PRKG1: variants seen among roughly 807,000 people sequenced by gnomAD.
PRKG1 encodes protein kinase cGMP-dependent 1.
In PRKG1, 35 loss-of-function variants were observed where a neutral mutation model predicts 88.1. The ratio of observed to expected loss-of-function variants is 0.40; its 90% CI spans 0.30 to 0.53. The LOEUF (loss-of-function observed/expected upper bound fraction) is 0.53, where lower values mean the gene tolerates loss of function less well. Among genes scored for constraint, PRKG1 ranks in the 20% least tolerant of loss-of-function variants. The pLI, the probability that PRKG1 is intolerant of heterozygous loss-of-function variation, is 0.59. For missense variants in PRKG1, 540 were observed against 839.8 expected (o/e 0.64, Z 4.41); for synonymous variants, 303 against 292.5 (o/e 1.04, Z -0.37).
intron 9 of PRKG1, among the ~76,000 whole-genome samples, chr10:52,227,869 G>T (rs16928095): frequency 3.3e-5 from 5 of 152,060 alleles, no homozygotes; most frequent in African/African-American, 1.2e-4. Flanking sequence ...TGGGTAATGC[G>T]TGAGAAATCA....
intron 7 of PRKG1, among the ~76,000 whole-genome samples, chr10:52,104,596 C>T (rs984287139): frequency 6.6e-6 from 1 of 152,024 alleles, no homozygotes; most frequent in Non-Finnish European, 1.5e-5. Flanking sequence ...CATAGGTTTA[C>T]CTCAAAAGAT....
chr10:51,228,979 G>A (rs74133543), intron 2 of PRKG1, among the ~76,000 whole-genome samples: 4,126 of 152,164 alleles, frequency 0.027, 192 homozygotes, highest in African/African-American at 0.093. Flanking sequence ...TTTACCTGGA[G>A]TGAAATGCAC....
At chr10:51,956,111 A>G (rs932499443) in intron 5 of PRKG1, among the ~76,000 whole-genome samples, 1 of 152,144 alleles carries the variant, frequency 6.6e-6, no homozygotes, top group Non-Finnish European at 1.5e-5. Flanking sequence ...GATTTCTGTG[A>G]TGTAGGATAT....
chr10:51,526,211 A>G (rs1484836931), intron 3 of PRKG1, among the ~76,000 whole-genome samples: 1 of 152,208 alleles, frequency 6.6e-6, no homozygotes, highest in African/African-American at 2.4e-5. Flanking sequence ...AAGATTCAGT[A>G]CCAAGAAAAG....
At chr10:51,086,862 T>C (rs568714323) in intron 1 of PRKG1, among the ~76,000 whole-genome samples, 99 of 152,332 alleles carry the variant, frequency 6.5e-4, no homozygotes, top group Non-Finnish European at 1.3e-3. Flanking sequence ...TCTATCGTAA[T>C]AGAGCAGTGC....
intron 3 of PRKG1, among the ~76,000 whole-genome samples, chr10:51,773,637 G>A (rs1838361994): frequency 6.6e-6 from 1 of 152,002 alleles, no homozygotes; most frequent in Non-Finnish European, 1.5e-5. Context: ...TCTTAAACTT[G>A]TTTCATGCTA....
intron 3 of PRKG1, among the ~76,000 whole-genome samples, chr10:51,564,398 T>A (rs1837549427): frequency 6.6e-6 from 1 of 152,018 alleles, no homozygotes; most frequent in African/African-American, 2.4e-5. Flanking sequence ...AGATTACAGC[T>A]TTTAAGGATG....
At chr10:51,344,301 AACTC>A (rs1347307541) in intron 2 of PRKG1, among the ~76,000 whole-genome samples, 3 of 152,122 alleles carry the variant, frequency 2.0e-5, no homozygotes, top group African/African-American at 7.2e-5. Flanking sequence ...ATCTTGTGAG[AACTC>A]ACTCACTATC....
In PRKG1 at chr10:51,467,331, C is replaced by A. The variant is rs72795107; in HGVS notation, c.479-392C>A. On this transcript the variant is annotated intron_variant, in intron 2 of 17. Coordinates refer to ENST00000373980, the MANE Select transcript of PRKG1 (RefSeq NM_006258.4). ...TCCCCTCTTCATAATAGCTGCCTTA[C>A]TAATGAGAATTTTCAAGTATGAAGT... Among the ~76,000 whole-genome samples, 561 of 152,112 alleles carry A rather than the reference C, an allele frequency of 3.7e-3. 1 individual carries two copies. Among genetic ancestry groups the A allele is most frequent in the Non-Finnish European group, 6.5e-3 (439 of 67,860 alleles).
At chr10:51,156,619 A>T (rs1269323163) in intron 2 of PRKG1, among the ~76,000 whole-genome samples, 1 of 152,040 alleles carries the variant, frequency 6.6e-6, no homozygotes, top group Non-Finnish European at 1.5e-5. Context: ...TAAAATGACT[A>T]CAATTTTATA....
At chr10:51,166,426 A>G (rs978484176) in intron 2 of PRKG1, among the ~76,000 whole-genome samples, 2 of 152,174 alleles carry the variant, frequency 1.3e-5, no homozygotes, top group African/African-American at 4.8e-5. Flanking sequence ...AATGTTATCA[A>G]TGATTAAATT....
intron 2 of PRKG1, among the ~76,000 whole-genome samples, chr10:51,239,511 C>A (rs959046598): frequency 6.6e-6 from 1 of 152,068 alleles, no homozygotes; most frequent in African/African-American, 2.4e-5. Context: ...GGTTTTTTTG[C>A]ACATTTAATA....
intron 2 of PRKG1, among the ~76,000 whole-genome samples, chr10:51,240,666 G>T (rs1035910653): frequency 2.0e-5 from 3 of 152,116 alleles, no homozygotes; most frequent in Non-Finnish European, 4.4e-5. Context: ...ACAAAATCCT[G>T]CAGGGACCTG....
At chr10:51,096,536 A>G (rs747605600) in intron 1 of PRKG1, among the ~76,000 whole-genome samples, 3 of 152,148 alleles carry the variant, frequency 2.0e-5, no homozygotes, top group Non-Finnish European at 2.9e-5. Context: ...TTTCTCATCT[A>G]TAAAATGGGA....
chr10:51,993,656 C>G (rs1196037224), intron 5 of PRKG1, among the ~76,000 whole-genome samples: 1 of 151,756 alleles, frequency 6.6e-6, no homozygotes, highest in Admixed American at 6.6e-5. Context: ...ACAGCAGTAG[C>G]AACAGCAGAG....
chr10:52,295,335 T>TA lies in PRKG1; in HGVS notation c.*1439dup, dbSNP rs56909757. On this transcript the variant is annotated 3_prime_UTR_variant, in exon 18 of 18. Transcript: ENST00000373980. The stretch of plus-strand genomic sequence containing the variant: ...GAGGAAAACAGGAACCTGATTTTTT[T>TA]AAAATAAATTTTAAATAAAATAGAA... The TA allele has an allele frequency of 6.6e-6, 1 of 152,038 alleles. No homozygotes were observed. The highest frequency in any genetic ancestry group is 2.4e-5 in the African/African-American group (1 of 41,434). The allele number at this position is 152,038 out of a possible 1,614,324, so 9.4% of individuals were successfully genotyped here.
chr10:51,231,912 A>G (rs1289992315), intron 2 of PRKG1, among the ~76,000 whole-genome samples: 2 of 152,150 alleles, frequency 1.3e-5, no homozygotes, highest in South Asian at 2.1e-4. Context: ...CTGTTTAACA[A>G]TCTGAGGTTT....
At chr10:51,910,525 A>G (rs1444539481) in intron 5 of PRKG1, 2 of 152,166 alleles carry the variant, frequency 1.3e-5, no homozygotes, top group African/African-American at 4.8e-5. Context: ...TGCTCCAAGT[A>G]AAGGGAAATC....
chr10:52,252,704 G>C (rs1250915815), intron 10 of PRKG1: 1 of 152,052 alleles, frequency 6.6e-6, no homozygotes, highest in Admixed American at 6.6e-5. Flanking sequence ...TATTAGATGA[G>C]AAGGTTTTAG....
Sources: gnomAD v4.1 joint callset for allele counts (sites outside exome capture counted in the v4.1 genomes callset) on GRCh38, gnomAD v4.1.1 for gene constraint, MANE v1.5 for transcripts, NCBI Gene and HGNC (gene_info 2026-07-23, HGNC 2026-07-21) for gene names.